PCLO: variants seen among roughly 807,000 people sequenced by gnomAD.
PCLO encodes protein piccolo.
In PCLO, 82 loss-of-function variants were observed where a neutral mutation model predicts 427.5. The observed-to-expected ratio is 0.19, with a 90% confidence interval of 0.16 to 0.23. The LOEUF (loss-of-function observed/expected upper bound fraction) is 0.23. Among genes scored for constraint, PCLO ranks in the 10% least tolerant of loss-of-function variants. PCLO has a pLI of 1.00. For synonymous variants in PCLO, 2,357 were observed against 2,155.4 expected, an observed-to-expected ratio of 1.09 and a Z score of -2.59; for missense variants, 6,239 against 6,115.9, an observed-to-expected ratio of 1.02 and a Z score of -0.67.
chr7:82,827,550 T>C (rs1584018889), intron 17 of PCLO, among the ~76,000 whole-genome samples: 1 of 152,054 alleles, frequency 6.6e-6, no homozygotes, highest in African/African-American at 2.4e-5. Context: ...AGTTGGAAAA[T>C]GTGTTTCTCT....
intron 4 of PCLO, among the ~76,000 whole-genome samples, chr7:82,960,078 AT>A (rs1329307763): frequency 6.6e-6 from 1 of 152,206 alleles, no homozygotes; most frequent in Non-Finnish European, 1.5e-5. Flanking sequence ...CAAACAGAAT[AT>A]TTTTTGAATA....
At chr7:83,152,627 A>G (rs1324881210) in intron 2 of PCLO, among the ~76,000 whole-genome samples, 1 of 152,090 alleles carries the variant, frequency 6.6e-6, no homozygotes, top group Non-Finnish European at 1.5e-5. Flanking sequence ...TGTAGCTCCA[A>G]GTTTGGGCCC....
chr7:83,155,203 G>C lies in PCLO; in HGVS notation c.1438C>G (p.Pro480Ala). The C allele has an allele frequency of 6.2e-7, 1 of 1,612,474 alleles. No homozygotes were observed. The highest frequency in any genetic ancestry group is 1.7e-4 in the Middle Eastern group (1 of 5,954). ...PSQLPGPAKP[P>A]PQQPGPAKPP... ...TTTGCTGGGCCAGGCTGTTGAGGTG[G>C]GGGCTTTGCTGGGCCAGGCAGTTGT... Residue 480 changes from proline (P) to alanine (A), a missense_variant, in exon 2 of 25, where the codon CCA (proline) becomes GCA (alanine). Physicochemically the swap from Pro to Ala is conservative, Grantham distance 27. This residue lies in a region of PCLO where 4,677 missense variants were observed against 4,468.4 expected (regional missense o/e 1.05). Transcript: ENST00000333891.
chr7:82,998,684 C>T (rs1787696294), intron 3 of PCLO, among the ~76,000 whole-genome samples: 1 of 151,928 alleles, frequency 6.6e-6, no homozygotes, highest in African/African-American at 2.4e-5. Context: ...AATGCTTTCT[C>T]TGCCCCACAC....
In PCLO at chr7:82,999,294, ATAT is replaced by A. The variant is rs1387538394; in HGVS notation, c.3301-32810_3301-32808del. On this transcript the variant is annotated intron_variant, in intron 3 of 24. Transcript: ENST00000333891. ...CATATTAAATATATATGGATATATA[ATAT>A]TATATATTAAATATATATGGATATG... Among the ~76,000 whole-genome samples the A allele has an allele frequency of 9.8e-5, 14 of 142,774 alleles. No homozygotes were observed. In the South Asian group the frequency reaches 1.1e-3, roughly 11 times the overall value. The allele number at this position is 142,774 out of a possible 152,430, so 93.7% of individuals were successfully genotyped here. A position where few individuals can be genotyped will look rare whatever the true frequency, so the allele number is the denominator to read the frequency against.
intron 9 of PCLO, among the ~76,000 whole-genome samples, chr7:82,889,543 A>T (rs1793708678): frequency 6.6e-6 from 1 of 152,184 alleles, no homozygotes; most frequent in South Asian, 2.1e-4. Flanking sequence ...AAGTAGCAGA[A>T]CTTTTCTGAT....
At chr7:83,025,119 G>A (rs1788457290) in intron 3 of PCLO, among the ~76,000 whole-genome samples, 1 of 152,176 alleles carries the variant, frequency 6.6e-6, no homozygotes, top group African/African-American at 2.4e-5. Context: ...ACTTTGACGA[G>A]CTGAGAGAAG....
At chr7:83,064,737 A>T (rs994347161) in intron 3 of PCLO, among the ~76,000 whole-genome samples, 1 of 152,100 alleles carries the variant, frequency 6.6e-6, no homozygotes, top group Non-Finnish European at 1.5e-5. Flanking sequence ...CTGAAACTCA[A>T]TAAATATTGG....
At chr7:82,896,124 T>C (rs1319990775) in intron 9 of PCLO, among the ~76,000 whole-genome samples, 2 of 151,892 alleles carry the variant, frequency 1.3e-5, no homozygotes, top group African/African-American at 4.8e-5. Context: ...TGTGGCAGTT[T>C]CTTAAATAGT....
chr7:82,798,362 A>C (rs1213091920), intron 22 of PCLO, among the ~76,000 whole-genome samples: 5 of 152,172 alleles, frequency 3.3e-5, no homozygotes. Context: ...TTGTCTAAAA[A>C]AAATTGAATT....
At chr7:83,124,803 T>G (rs1281651518) in intron 3 of PCLO, among the ~76,000 whole-genome samples, 1 of 152,168 alleles carries the variant, frequency 6.6e-6, no homozygotes, top group South Asian at 2.1e-4. Flanking sequence ...TCTCCCTCTG[T>G]TGCTGAGGCT....
rs73161302 is a variant in PCLO at position 83,054,755 on chromosome 7, T to C, written c.3300+79495A>G. The stretch of plus-strand genomic sequence containing the variant: ...TAATACAAATAATTGGCAAGGCAAG[T>C]GTGCATTAAGGCAGAAGCATTGCCA... On this transcript the variant is annotated intron_variant, in intron 3 of 24. Coordinates refer to ENST00000333891, the MANE Select transcript of PCLO (RefSeq NM_033026.6). 4.7e-3 allele frequency among the ~76,000 whole-genome samples: 709 copies of C among 152,048 alleles called. 2 individuals are homozygous for C. The highest frequency in any genetic ancestry group is 8.2e-3 in the Non-Finnish European group (556 of 67,866).
At chr7:82,992,563 C>A (rs927384084) in intron 3 of PCLO, among the ~76,000 whole-genome samples, 5 of 151,910 alleles carry the variant, frequency 3.3e-5, no homozygotes, top group African/African-American at 1.2e-4. Flanking sequence ...TGAGAACATG[C>A]AGAGAACATC....
intron 1 of PCLO, among the ~76,000 whole-genome samples, chr7:83,156,904 G>C (rs965053882): frequency 1.3e-5 from 2 of 152,104 alleles, no homozygotes; most frequent in Admixed American, 1.3e-4. Flanking sequence ...ATAGGAGTCT[G>C]CTGAGACTTC....
intron 2 of PCLO, among the ~76,000 whole-genome samples, chr7:83,154,286 G>A (rs897737294): frequency 6.6e-5 from 10 of 152,146 alleles, no homozygotes; most frequent in South Asian, 2.1e-4. Flanking sequence ...AGGGAAAAGG[G>A]ATGTGGAGAT....
intron 3 of PCLO, among the ~76,000 whole-genome samples, chr7:83,099,975 A>G (rs937281112): frequency 1.7e-4 from 22 of 128,666 alleles, no homozygotes; most frequent in African/African-American, 4.9e-4. Context: ...CTAGACTATA[A>G]TTTACTATAC....
chr7:82,875,623 A>T (rs1185493240), intron 10 of PCLO, among the ~76,000 whole-genome samples: 2 of 152,070 alleles, frequency 1.3e-5, no homozygotes, highest in Non-Finnish European at 2.9e-5. Flanking sequence ...GTTTTCCCAA[A>T]GCCAACATAG....
At chr7:82,905,698 T>A (rs1794173112) in intron 8 of PCLO, among the ~76,000 whole-genome samples, 1 of 151,836 alleles carries the variant, frequency 6.6e-6, no homozygotes, top group Non-Finnish European at 1.5e-5. Context: ...AGGAAAAGTG[T>A]CCAAGGAGCG....
intron 3 of PCLO, among the ~76,000 whole-genome samples, chr7:83,106,358 A>G (rs1790855909): frequency 6.6e-6 from 1 of 152,148 alleles, no homozygotes; most frequent in Non-Finnish European, 1.5e-5. Flanking sequence ...AGGATTCTGG[A>G]AAACCAAAAC....
Sources: allele counts gnomAD v4.1 joint callset (sites outside exome capture counted in the v4.1 genomes callset), GRCh38; gene constraint gnomAD v4.1.1; regional missense constraint gnomAD v4.1.1; transcripts MANE v1.5; gene names NCBI Gene and HGNC (gene_info 2026-07-23, HGNC 2026-07-21).